Variants in PSME4 observed in about 807,000 individuals in gnomAD.
The protein encoded by PSME4 is proteasome activator subunit 4.
In PSME4, 89 loss-of-function variants were observed where a neutral mutation model predicts 253.9. The observed-to-expected ratio is 0.35, with a 90% CI of 0.30 to 0.42. The LOEUF (loss-of-function observed/expected upper bound fraction) is 0.42, where lower values mean the gene tolerates loss of function less well. Among genes scored for constraint, PSME4 ranks in the 10% least tolerant of loss-of-function variants. The pLI is 1.00. For missense variants in PSME4, 2,014 were observed against 2,195.2 expected (o/e 0.92, Z 1.65); for synonymous variants, 851 against 759.2 (o/e 1.12, Z -1.99).
chr2:53,970,661 C>T lies in PSME4; in HGVS notation c.124G>A (p.Glu42Lys). 1 of 1,550,316 alleles carries T rather than the reference C, an allele frequency of 6.5e-7. No homozygotes were observed. Among genetic ancestry groups the T allele is most frequent in the Non-Finnish European group, 8.7e-7 (1 of 1,146,914 alleles). Residue 42 changes from glutamate to lysine, a missense_variant, in exon 1 of 47, where the codon GAG (glutamate) becomes AAG (lysine). This residue lies in a region of PSME4 where 615 missense variants were observed against 594.4 expected (regional missense o/e 1.03). Transcript: ENST00000404125. ...AAGTCGGACTCGGCGTCTAGCCGCT[C>T]CGCGTAGGGCAGCAGCTTGTTGTAG... Reference protein sequence around the residue: ...IVYNKLLPYAERLDAESDLQL... With the variant: ...IVYNKLLPYAKRLDAESDLQL...
intron 26 of PSME4, 60 bp from the exon 27 acceptor site, chr2:53,904,216 A>G (rs1340949272): frequency 7.6e-6 from 11 of 1,437,986 alleles, no homozygotes; most frequent in Non-Finnish European, 9.4e-6. Context: ...AAGCAGTTTA[A>G]AACAAATTAT....
At chr2:53,916,809 G>A (rs1003735513) in intron 20 of PSME4, among the ~76,000 whole-genome samples, 5 of 152,008 alleles carry the variant, frequency 3.3e-5, no homozygotes, top group African/African-American at 1.2e-4. Context: ...CCAAAATAAA[G>A]TTTCAGCTGA....
intron 43 of PSME4, among the ~76,000 whole-genome samples, chr2:53,873,211 A>G (rs1678970348): frequency 6.7e-6 from 1 of 149,764 alleles, no homozygotes; most frequent in Admixed American, 6.7e-5. Flanking sequence ...ACTGCACTCC[A>G]GCCTGGGTAA....
chr2:53,898,195 G>A (rs749560439), intron 30 of PSME4, 106 bp downstream of exon 30: 15 of 1,244,700 alleles, frequency 1.2e-5, no homozygotes, highest in Middle Eastern at 3.9e-4. Context: ...TACACAAACC[G>A]GAATATAACT....
intron 20 of PSME4, among the ~76,000 whole-genome samples, chr2:53,913,494 T>A (rs1667922117): frequency 1.3e-5 from 2 of 152,328 alleles, no homozygotes; most frequent in South Asian, 2.1e-4. Flanking sequence ...TTCCTGTGTA[T>A]AAGTGAAAGA....
At chr2:53,955,275 T>C (rs938496095) in intron 1 of PSME4, among the ~76,000 whole-genome samples, 1 of 152,266 alleles carries the variant, frequency 6.6e-6, no homozygotes, top group African/African-American at 2.4e-5. Context: ...TGTTAAAGTG[T>C]GGCTTATTCC....
At chr2:53,876,562 C>T (rs1228157206) in intron 41 of PSME4, among the ~76,000 whole-genome samples, 1 of 151,184 alleles carries the variant, frequency 6.6e-6, no homozygotes, top group African/African-American at 2.4e-5. Context: ...GTCATTCCTT[C>T]TTCATTATTA....
chr2:53,922,693 T>C, intron 16 of PSME4, 109 bp from the exon 17 acceptor site: 2 of 1,296,482 alleles, frequency 1.5e-6, no homozygotes, highest in African/African-American at 3.0e-5. Context: ...AAACCTCTTT[T>C]AGGAAGACTT....
chr2:53,899,423 G>C (rs993073651), intron 29 of PSME4, among the ~76,000 whole-genome samples: 1 of 152,114 alleles, frequency 6.6e-6, no homozygotes, highest in Non-Finnish European at 1.5e-5. Context: ...ACAGGAATCT[G>C]TGTAGTAATT....
At chr2:53,877,300 G>T (rs892484725) in intron 41 of PSME4, among the ~76,000 whole-genome samples, 10 of 148,368 alleles carry the variant, frequency 6.7e-5, no homozygotes, top group Non-Finnish European at 1.5e-4. Context: ...CATGCCTATA[G>T]TCCTTGGGAG....
Position 53,892,910 on chromosome 2 carries a change from A to G in PSME4, c.4089T>C (p.His1363=), listed in dbSNP as rs763917881. The change falls in exon 36 of 47, where the codon CAT becomes CAC. Residue 1363 remains histidine (H), a synonymous_variant. Transcript: ENST00000404125. ...GTGAATCTGCAACCAAATGTTCTAA[A>G]TGGGGCTTCAGAACTGGCAGGAAGG... ...DDAFLPVLKP[H]LEHLVADSHE... 4 of 1,613,730 alleles carry G rather than the reference A, an allele frequency of 2.5e-6. No homozygotes were observed. The African/African-American group carries it at 5.3e-5, about 22-fold the overall frequency.
Position 53,927,421 on chromosome 2 carries a change from T to C in PSME4, c.1566A>G (p.Val522=). ...CTGTGAGGTCATTTCTTTCTTGTAG[T>C]ACAGATGAACAATCTACTAAAGGCA... is the stretch of plus-strand genomic sequence containing the variant. ...TLVPLVDCSS[V]LQERNDLTEV... The change falls in exon 12 of 47, where the codon GTA becomes GTG. Residue 522 remains valine, a synonymous_variant. Coordinates refer to ENST00000404125, the MANE Select transcript of PSME4 (RefSeq NM_014614.3). The C allele has an allele frequency of 1.9e-6, 3 of 1,589,268 alleles. No individual in the cohort carries two copies. Among genetic ancestry groups the C allele is most frequent in the Non-Finnish European group, 2.6e-6 (3 of 1,157,412 alleles).
At chr2:53,883,436 GCTGCAGTGAGCCATGACTGCACCA>G (rs1679486915) in intron 41 of PSME4, among the ~76,000 whole-genome samples, 1 of 152,156 alleles carries the variant, frequency 6.6e-6, no homozygotes, top group Non-Finnish European at 1.5e-5. Flanking sequence ...GGAGATTGAC[GCTGCAGTGAGCCATGACTGCACCA>G]CTGCAGTGAG....
chr2:53,880,994 C>T lies in PSME4; in HGVS notation c.4815+4696G>A, dbSNP rs190443844. On this transcript the variant is annotated intron_variant, in intron 41 of 46. Transcript: ENST00000404125. ...TTGAATCAGCCGTCTCTCTTCCTAC[C>T]ATTACGAAAAAAATGTGTCTTTCTA... Among the ~76,000 whole-genome samples the T allele has an allele frequency of 1.1e-3, 170 of 152,172 alleles. 1 individual carries two copies. Among genetic ancestry groups the T allele is most frequent in the African/African-American group, 3.9e-3 (160 of 41,488 alleles).
chr2:53,905,402 A>C (rs1680608091), intron 26 of PSME4, among the ~76,000 whole-genome samples: 1 of 151,920 alleles, frequency 6.6e-6, no homozygotes, highest in African/African-American at 2.4e-5. Flanking sequence ...AGTATCCTTT[A>C]TCTAAAATGT....
chr2:53,900,029 G>T lies in PSME4; in HGVS notation c.3286-12C>A. On this transcript the variant is annotated splice_polypyrimidine_tract_variant and intron_variant, in intron 28 of 46. Coordinates refer to ENST00000404125, the MANE Select transcript of PSME4 (RefSeq NM_014614.3). Reference sequence around the variant, plus strand: ...CATGACTTTGGAATCTTGTTAAAAAGAAAAAAGCAGGAAAAAAAATGAAGT... The same window carrying T: ...CATGACTTTGGAATCTTGTTAAAAATAAAAAAGCAGGAAAAAAAATGAAGT... The T allele has an allele frequency of 1.9e-6, 3 of 1,600,888 alleles. No homozygotes were observed. Among genetic ancestry groups the T allele is most frequent in the Non-Finnish European group, 2.6e-6 (3 of 1,175,562 alleles).
intron 1 of PSME4, among the ~76,000 whole-genome samples, chr2:53,959,710 A>G (rs1341934265): frequency 6.6e-6 from 1 of 152,228 alleles, no homozygotes; most frequent in Non-Finnish European, 1.5e-5. Context: ...ATGTAGATAA[A>G]GCTTCTCACT....
intron 10 of PSME4, among the ~76,000 whole-genome samples, chr2:53,931,575 T>C (rs1192627350): frequency 6.6e-6 from 1 of 152,240 alleles, no homozygotes; most frequent in Non-Finnish European, 1.5e-5. Context: ...CAGATCTTAA[T>C]TCATAAGCAT....
intron 24 of PSME4, 143 bp downstream of exon 24, chr2:53,908,177 A>AT (rs1667654611): frequency 1.6e-6 from 1 of 606,584 alleles, no homozygotes; most frequent in Non-Finnish European, 2.8e-6. Flanking sequence ...TTCTACCATG[A>AT]TGTTTTTAAC....
Sources: gnomAD v4.1 joint callset for allele counts (sites outside exome capture counted in the v4.1 genomes callset) on GRCh38, gnomAD v4.1.1 for gene constraint, gnomAD v4.1.1 regional missense constraint, MANE v1.5 for transcripts, NCBI Gene and HGNC (gene_info 2026-07-23, HGNC 2026-07-21) for gene names.